The following TAOK3 variants were observed in gnomAD, a reference collection of about 807,000 sequenced individuals.
TAOK3 encodes the protein TAO kinase 3.
A neutral mutation model predicts 120.4 loss-of-function variants in TAOK3; 40 were observed. That is an observed-to-expected ratio of 0.33 (90% CI 0.26 to 0.43). The LOEUF is 0.43. Ranked by LOEUF, TAOK3 falls within the 20% of genes least tolerant of loss-of-function variation. The pLI is 1.00. For synonymous variants in TAOK3, 355 were observed against 387.5 expected (o/e 0.92, Z 0.99); for missense variants, 821 against 1,112.1 (o/e 0.74, Z 3.72).
chr12:118,293,657 G>A (rs1188835615), intron 1 of TAOK3, among the ~76,000 whole-genome samples: 4 of 140,404 alleles, frequency 2.8e-5, no homozygotes, highest in African/African-American at 1.1e-4. Flanking sequence ...CTGGGTGATA[G>A]AGCGAGACTC....
At chr12:118,360,907 T>C (rs186203354) in intron 1 of TAOK3, among the ~76,000 whole-genome samples, 26 of 152,348 alleles carry the variant, frequency 1.7e-4, no homozygotes, top group African/African-American at 6.3e-4. Flanking sequence ...TATGTTTTAA[T>C]TGTTTTTAAA....
rs1165627133 is a variant in TAOK3, at chr12:118,372,391, C to T, written c.-194+257G>A. 6.7e-6 allele frequency among the ~76,000 whole-genome samples: 1 copy of T among 148,902 alleles called. No individual in the cohort carries two copies. Among genetic ancestry groups the T allele is most frequent in the African/African-American group, 2.5e-5 (1 of 40,534 alleles). The stretch of plus-strand genomic sequence containing the variant: ...CCCCTCTCCGGGTCCCTTCCTCTCA[C>T]GCGCACTGTCCCGGCCCCTCTTGGA... On this transcript the variant is annotated intron_variant, in intron 1 of 20. Coordinates refer to ENST00000392533, the MANE Select transcript of TAOK3 (RefSeq NM_016281.4). The surrounding 1 kb of genome is among the most constrained non-coding windows in gnomAD (Gnocchi z 4.6).
At chr12:118,366,701 A>G (rs111251085) in intron 1 of TAOK3, among the ~76,000 whole-genome samples, 6 of 152,290 alleles carry the variant, frequency 3.9e-5, no homozygotes, top group African/African-American at 1.4e-4. Flanking sequence ...GGCCCAGAAC[A>G]CTAGACTCCA....
chr12:118,350,986 C>T (rs1282760342), intron 1 of TAOK3, among the ~76,000 whole-genome samples: 2 of 151,670 alleles, frequency 1.3e-5, no homozygotes, highest in Non-Finnish European at 2.9e-5. Context: ...TGAGACCACC[C>T]TGGCCAACGT....
At chr12:118,252,022 C>T (rs1047184327) in intron 3 of TAOK3, among the ~76,000 whole-genome samples, 9 of 152,034 alleles carry the variant, frequency 5.9e-5, no homozygotes, top group Admixed American at 5.9e-4. Flanking sequence ...GGGGTTTCAC[C>T]ATGTTAGCCA....
intron 11 of TAOK3, among the ~76,000 whole-genome samples, chr12:118,204,094 C>G (rs778200913): frequency 6.6e-6 from 1 of 151,776 alleles, no homozygotes; most frequent in Non-Finnish European, 1.5e-5. Context: ...GGTGAAACCC[C>G]GTCTCTACTA....
chr12:118,210,831 C>T (rs1386906799), intron 11 of TAOK3, among the ~76,000 whole-genome samples: 33 of 151,448 alleles, frequency 2.2e-4, no homozygotes, highest in African/African-American at 7.0e-4. Context: ...CTCCGCCTTC[C>T]GGCTTCAAGT....
At chr12:118,354,778 C>T (rs1845428902) in intron 1 of TAOK3, among the ~76,000 whole-genome samples, 1 of 152,172 alleles carries the variant, frequency 6.6e-6, no homozygotes, top group South Asian at 2.1e-4. Context: ...TAAGACATGA[C>T]TTGCTCCTCC....
chr12:118,172,289 G>A (rs2036041709), intron 17 of TAOK3, among the ~76,000 whole-genome samples, 168 bp downstream of exon 17: 1 of 152,006 alleles, frequency 6.6e-6, no homozygotes, highest in South Asian at 2.1e-4. Flanking sequence ...CTTATCAATA[G>A]TAAGTTCATT....
chr12:118,186,171 A>C (rs562318295), intron 14 of TAOK3, among the ~76,000 whole-genome samples: 1 of 152,192 alleles, frequency 6.6e-6, no homozygotes, highest in Non-Finnish European at 1.5e-5. Context: ...CTATATTTGC[A>C]TGAATAGAAC....
chr12:118,322,042 C>T (rs61943362), intron 1 of TAOK3, among the ~76,000 whole-genome samples: 14,468 of 151,982 alleles, frequency 0.095, 866 homozygotes, highest in Non-Finnish European at 0.13. Context: ...TGGGCCGGTG[C>T]GGTGGCTCAT....
intron 11 of TAOK3, among the ~76,000 whole-genome samples, chr12:118,208,276 T>C (rs1377421730): frequency 2.0e-5 from 3 of 152,182 alleles, no homozygotes. Context: ...AAAGATGTAT[T>C]ATTGAAAAAT....
chr12:118,248,027 G>A (rs1467938882), intron 3 of TAOK3, among the ~76,000 whole-genome samples: 1 of 151,966 alleles, frequency 6.6e-6, no homozygotes, highest in East Asian at 1.9e-4. Flanking sequence ...ATAAAGTCAG[G>A]TTAACAATTT....
chr12:118,205,403 A>G (rs1469806250), intron 11 of TAOK3, among the ~76,000 whole-genome samples: 1 of 151,712 alleles, frequency 6.6e-6, no homozygotes, highest in African/African-American at 2.4e-5. Flanking sequence ...TCTTTTTCAA[A>G]GTGAGAAAAT....
At chr12:118,318,335 T>G (rs1385576911) in intron 1 of TAOK3, among the ~76,000 whole-genome samples, 1 of 152,004 alleles carries the variant, frequency 6.6e-6, no homozygotes, top group African/African-American at 2.4e-5. Flanking sequence ...TTTTTGTATT[T>G]TTAGTAAAGA....
intron 15 of TAOK3, 52 bp downstream of exon 15, chr12:118,181,319 C>G: frequency 6.8e-7 from 1 of 1,470,118 alleles, no homozygotes; most frequent in Non-Finnish European, 9.4e-7. Context: ...TGCCACTGAC[C>G]CCAACAGGCT....
chr12:118,199,524 C>T (rs1251451256), intron 12 of TAOK3: 2 of 501,352 alleles, frequency 4.0e-6, no homozygotes, highest in African/African-American at 3.9e-5. Context: ...CCCTGTCATA[C>T]ACACTATCAT....
intron 7 of TAOK3, chr12:118,236,803 T>A (rs1036473804): frequency 2.0e-5 from 3 of 152,148 alleles, no homozygotes; most frequent in Non-Finnish European, 4.4e-5. Flanking sequence ...AATAAAAATC[T>A]GAGACACAGT....
chr12:118,226,684 T>C (rs778871498), intron 9 of TAOK3, among the ~76,000 whole-genome samples: 1 of 152,206 alleles, frequency 6.6e-6, no homozygotes, highest in Non-Finnish European at 1.5e-5. Context: ...TTTGCAGAAA[T>C]AGCTGTCATA....
Sources: allele counts gnomAD v4.1 joint callset (sites outside exome capture counted in the v4.1 genomes callset), GRCh38; gene constraint gnomAD v4.1.1; non-coding constraint Gnocchi (gnomAD v3.1); transcripts MANE v1.5; gene names NCBI Gene and HGNC (gene_info 2026-07-23, HGNC 2026-07-21).